The following OTOGL variants were observed in gnomAD, a reference collection of about 807,000 sequenced individuals.
OTOGL encodes the protein otogelin like, also known as otogelin-like protein.
In OTOGL, 285 loss-of-function variants were observed where a neutral mutation model predicts 318.5. The observed-to-expected ratio is 0.89, with a 90% confidence interval of 0.81 to 0.99. The LOEUF is 0.99. OTOGL is among the 50% of genes least tolerant of loss of function. The pLI is 0.00. For missense variants in OTOGL, 2,899 were observed against 2,845.6 expected, an observed-to-expected ratio of 1.02 and a Z score of -0.43; for synonymous variants, 987 against 936.5, an observed-to-expected ratio of 1.05 and a Z score of -0.99.
At chr12:80,169,539 C>G (rs1241899707) in intron 1 of OTOGL, among the ~76,000 whole-genome samples, 2 of 152,178 alleles carry the variant, frequency 1.3e-5, no homozygotes, top group Non-Finnish European at 2.9e-5. Flanking sequence ...TTTAAATTTA[C>G]ATAGTGTGAC....
At position 80,197,962 on chromosome 12, in the gene OTOGL, A is replaced by AT. The variant is rs767872244; in HGVS notation, c.-19-11441dup. ...TCTTTCTTTGGCTTTCAAACTTTCT[A>AT]TTTTTTTTTTACAGGTAAAATACTT... is the stretch of plus-strand genomic sequence containing the variant. On this transcript the variant is annotated intron_variant, in intron 1 of 58. Transcript: ENST00000547103. Among the ~76,000 whole-genome samples the AT allele has an allele frequency of 1.8e-3, 271 of 148,832 alleles. 2 individuals carry two copies. The East Asian group carries it at 0.026, about 14-fold the overall frequency.
intron 1 of OTOGL, among the ~76,000 whole-genome samples, chr12:80,114,354 TTTC>T (rs1326697743): frequency 2.6e-5 from 4 of 152,208 alleles, no homozygotes; most frequent in African/African-American, 9.6e-5. Flanking sequence ...AAGGATTTTA[TTTC>T]TTCTTCTCTT....
chr12:80,180,856 T>C (rs1288332572), intron 1 of OTOGL, among the ~76,000 whole-genome samples: 1 of 152,160 alleles, frequency 6.6e-6, no homozygotes, highest in Admixed American at 6.5e-5. Context: ...ATCCATCCCC[T>C]TTTTGTGAAC....
chr12:80,319,298 C>CT (rs1240672345), intron 33 of OTOGL, among the ~76,000 whole-genome samples: 1 of 152,236 alleles, frequency 6.6e-6, no homozygotes, highest in Non-Finnish European at 1.5e-5. Context: ...GGTAGTTTCC[C>CT]TTCTGATCCA....
At chr12:80,124,455 T>G (rs1452043039) in intron 1 of OTOGL, among the ~76,000 whole-genome samples, 1 of 152,216 alleles carries the variant, frequency 6.6e-6, no homozygotes, top group East Asian at 1.9e-4. Context: ...GTAGTATGGT[T>G]TGAAGTCAGG....
intron 18 of OTOGL, among the ~76,000 whole-genome samples, chr12:80,261,177 A>G (rs193294260): frequency 3.4e-4 from 52 of 152,258 alleles, no homozygotes; most frequent in Middle Eastern, 6.8e-3. Flanking sequence ...ACTTAGCCAT[A>G]TTGGAGGAGT....
At position 80,351,949 on chromosome 12, in the gene OTOGL, C is replaced by T. The variant is rs551851596; in HGVS notation, c.5266-346C>T. ...CCATTAGAGAATGCTTTGTGAGCTT[C>T]CAATTTAATCTATAATTTTTCAAAC... On this transcript the variant is annotated intron_variant, in intron 44 of 58. Coordinates refer to ENST00000547103, the MANE Select transcript of OTOGL (RefSeq NM_001378609.3). Among the ~76,000 whole-genome samples, 18 of 152,218 alleles carry T rather than the reference C, an allele frequency of 1.2e-4. No individual in the cohort carries two copies. The South Asian group carries it at 3.5e-3, about 30-fold the overall frequency.
At chr12:80,368,396 ACACTG>A in intron 55 of OTOGL, 87 bp downstream of exon 55, 1 of 786,074 alleles carries the variant, frequency 1.3e-6, no homozygotes, top group Non-Finnish European at 2.1e-6. Context: ...CCCCCCACAC[ACACTG>A]CACTGCATAC....
At chr12:80,159,539 A>T (rs1430308680) in intron 1 of OTOGL, among the ~76,000 whole-genome samples, 2 of 151,986 alleles carry the variant, frequency 1.3e-5, no homozygotes, top group Non-Finnish European at 2.9e-5. Flanking sequence ...AATATACCTA[A>T]CCAAGGAGGT....
In OTOGL at chr12:80,378,524, T is replaced by C. The variant is rs1353552000; in HGVS notation, c.*476T>C. On this transcript the variant is annotated 3_prime_UTR_variant, in exon 59 of 59. Coordinates refer to ENST00000547103, the MANE Select transcript of OTOGL (RefSeq NM_001378609.3). The stretch of plus-strand genomic sequence containing the variant: ...GAGTGATATGCTTAGAGATAGATAA[T>C]GGATTATTTAAAACCTGAATGGTTT... 1.9e-5 allele frequency: 3 copies of C among 154,036 alleles called. No individual in the cohort carries two copies. Among genetic ancestry groups the C allele is most frequent in the Admixed American group, 1.9e-4 (3 of 15,666 alleles). The allele number at this position is 154,036 out of a possible 1,614,324, so 9.5% of individuals were successfully genotyped here.
At chr12:80,325,134 A>G (rs1887594891) in intron 35 of OTOGL, among the ~76,000 whole-genome samples, 1 of 152,198 alleles carries the variant, frequency 6.6e-6, no homozygotes. Context: ...TTGAACAATT[A>G]TGAGGTTCTA....
rs374785124 is a variant in OTOGL at position 80,194,172 on chromosome 12, C to T, written c.-19-15241C>T. ...TAGGCATGTGACCTAGTCAGGCACT[C>T]GAGGGACTTCAGATCTTCAGCAGAG... is the stretch of plus-strand genomic sequence containing the variant. On this transcript the variant is annotated intron_variant, in intron 1 of 58. Transcript: ENST00000547103. Among the ~76,000 whole-genome samples, 87 of 152,230 alleles carry T rather than the reference C, an allele frequency of 5.7e-4. 1 individual carries two copies. In the South Asian group the frequency reaches 0.017, roughly 30 times the overall value.
intron 13 of OTOGL, among the ~76,000 whole-genome samples, chr12:80,252,407 G>A (rs976740658): frequency 1.3e-5 from 2 of 152,138 alleles, no homozygotes; most frequent in African/African-American, 2.4e-5. Flanking sequence ...AAGTTTCCAG[G>A]AAATTTGGAA....
intron 1 of OTOGL, among the ~76,000 whole-genome samples, chr12:80,129,448 A>C (rs1399233339): frequency 6.6e-6 from 1 of 152,232 alleles, no homozygotes. Context: ...AACAGGTGTT[A>C]ACAGAAGGAA....
intron 35 of OTOGL, among the ~76,000 whole-genome samples, chr12:80,325,906 G>T (rs1488281535): frequency 6.6e-6 from 1 of 152,116 alleles, no homozygotes; most frequent in Non-Finnish European, 1.5e-5. Flanking sequence ...AGTCTCTGGG[G>T]TGGTGGAACC....
At chr12:80,128,484 G>A (rs997248600) in intron 1 of OTOGL, among the ~76,000 whole-genome samples, 1 of 152,224 alleles carries the variant, frequency 6.6e-6, no homozygotes, top group Non-Finnish European at 1.5e-5. Flanking sequence ...GTACTCGGGG[G>A]TCAGGGACCC....
At chr12:80,375,360 T>C (rs1891122192) in intron 57 of OTOGL, among the ~76,000 whole-genome samples, 2 of 152,202 alleles carry the variant, frequency 1.3e-5, no homozygotes, top group African/African-American at 4.8e-5. Context: ...GGTGCCTACA[T>C]GACAAACATC....
intron 29 of OTOGL, among the ~76,000 whole-genome samples, chr12:80,308,406 A>G (rs1886378174): frequency 6.7e-6 from 1 of 148,900 alleles, no homozygotes. Context: ...ATCTCAGACG[A>G]TGGGCGGCCG....
At chr12:80,350,617 T>C (rs1415027379) in intron 44 of OTOGL, among the ~76,000 whole-genome samples, 1 of 152,202 alleles carries the variant, frequency 6.6e-6, no homozygotes, top group Non-Finnish European at 1.5e-5. Context: ...GGAGGAAATA[T>C]CACATTGTGG....
Sources: gnomAD v4.1 joint callset for allele counts (sites outside exome capture counted in the v4.1 genomes callset) on GRCh38, gnomAD v4.1.1 for gene constraint, MANE v1.5 for transcripts, NCBI Gene and HGNC (gene_info 2026-07-23, HGNC 2026-07-21) for gene names.